GRID2: variants seen among roughly 807,000 people sequenced by gnomAD.
GRID2 encodes the protein glutamate ionotropic receptor delta type subunit 2.
Under a neutral mutation model 114.8 loss-of-function variants are expected in GRID2, and 33 were observed. That is an observed-to-expected ratio of 0.29 (90% CI 0.22 to 0.38). The LOEUF (loss-of-function observed/expected upper bound fraction) is 0.38, where lower values mean the gene tolerates loss of function less well. Ranked by LOEUF, GRID2 falls within the 10% of genes least tolerant of loss-of-function variation. The probability of loss-of-function intolerance (pLI) is 1.00; values close to 1 mark genes in which losing one functional copy is unlikely to be tolerated. For missense variants in GRID2, 1,184 were observed against 1,257.7 expected (o/e 0.94, Z 0.89); for synonymous variants, 505 against 449.9 (o/e 1.12, Z -1.55).
intron 5 of GRID2, among the ~76,000 whole-genome samples, chr4:93,213,731 C>T (rs530246460): frequency 6.6e-6 from 1 of 152,230 alleles, no homozygotes; most frequent in South Asian, 2.1e-4. Context: ...ATTCAATTCT[C>T]CTAAGAGATT....
intron 2 of GRID2, among the ~76,000 whole-genome samples, chr4:92,966,249 G>T (rs1254171005): frequency 6.6e-6 from 1 of 151,912 alleles, no homozygotes; most frequent in Non-Finnish European, 1.5e-5. Context: ...TAAGAAAAAT[G>T]CAGGATGTTA....
chr4:93,298,046 A>G (rs1030993638), intron 8 of GRID2, among the ~76,000 whole-genome samples: 7 of 152,192 alleles, frequency 4.6e-5, no homozygotes, highest in Admixed American at 2.0e-4. Flanking sequence ...GGTTTACCAC[A>G]TGGATACTTT....
chr4:93,803,942 C>G lies in GRID2; in HGVS notation c.222-2773C>G, dbSNP rs189009163. 1.9e-4 allele frequency among the ~76,000 whole-genome samples: 29 copies of G among 152,212 alleles called. No homozygotes were observed. The South Asian group carries it at 5.8e-3, about 31-fold the overall frequency. On this transcript the variant is annotated intron_variant, in intron 1 of 1. Transcript: ENST00000637838. ...CCATCATCACACTGCATCCAATTGC[C>G]AGGTGTGTGGCGCTTCCTGGCTGCA...
At chr4:92,380,383 G>A (rs1324409657) in intron 1 of GRID2, among the ~76,000 whole-genome samples, 1 of 151,756 alleles carries the variant, frequency 6.6e-6, no homozygotes, top group Non-Finnish European at 1.5e-5. Flanking sequence ...ATTTAGCTTT[G>A]TTGATCCTCA....
At chr4:93,730,103 A>G (rs548629713) in intron 14 of GRID2, among the ~76,000 whole-genome samples, 1 of 152,346 alleles carries the variant, frequency 6.6e-6, no homozygotes, top group East Asian at 1.9e-4. Flanking sequence ...AGATATATTT[A>G]GTAGACCACT....
intron 13 of GRID2, among the ~76,000 whole-genome samples, chr4:93,569,442 C>T (rs1026229579): frequency 2.0e-5 from 3 of 152,154 alleles, no homozygotes; most frequent in Non-Finnish European, 4.4e-5. Flanking sequence ...TCACCAAATC[C>T]AGTGCTACAC....
At chr4:92,831,803 T>C (rs1742121478) in intron 2 of GRID2, among the ~76,000 whole-genome samples, 1 of 151,972 alleles carries the variant, frequency 6.6e-6, no homozygotes, top group Admixed American at 6.6e-5. Flanking sequence ...GAGGCTGCAG[T>C]GAGCTGAGAT....
intron 8 of GRID2, among the ~76,000 whole-genome samples, chr4:93,392,157 T>C (rs893230778): frequency 1.3e-5 from 2 of 152,156 alleles, no homozygotes; most frequent in Admixed American, 1.3e-4. Flanking sequence ...TCTTTATTGT[T>C]TTTTATTTAG....
chr4:93,636,016 T>TAG (rs1389980635), intron 14 of GRID2, among the ~76,000 whole-genome samples: 2 of 152,208 alleles, frequency 1.3e-5, no homozygotes, highest in Admixed American at 6.5e-5. Flanking sequence ...TTTTAAGTGA[T>TAG]ACAAATTTCC....
At chr4:92,897,047 C>T (rs536320335) in intron 2 of GRID2, among the ~76,000 whole-genome samples, 3 of 152,112 alleles carry the variant, frequency 2.0e-5, no homozygotes, top group African/African-American at 7.2e-5. Context: ...CAGCCCAAAC[C>T]CAGGTTTTAA....
intron 2 of GRID2, among the ~76,000 whole-genome samples, chr4:92,871,047 C>T (rs1472011219): frequency 6.6e-6 from 1 of 152,118 alleles, no homozygotes; most frequent in Non-Finnish European, 1.5e-5. Context: ...TCTCCCCCTA[C>T]ACCCCATTTC....
At chr4:92,494,373 AT>A (rs1245178155) in intron 1 of GRID2, among the ~76,000 whole-genome samples, 12 of 152,132 alleles carry the variant, frequency 7.9e-5, no homozygotes, top group African/African-American at 2.6e-4. Context: ...AAAGGAGGGA[AT>A]TTTATTCCTA....
At chr4:93,473,058 A>G (rs1376737232) in intron 11 of GRID2, among the ~76,000 whole-genome samples, 1 of 152,204 alleles carries the variant, frequency 6.6e-6, no homozygotes, top group Non-Finnish European at 1.5e-5. Context: ...TATTAAAATT[A>G]AATTACTAGT....
chr4:93,613,343 T>C (rs10433959), intron 13 of GRID2, among the ~76,000 whole-genome samples: 6 of 139,950 alleles, frequency 4.3e-5, no homozygotes, highest in South Asian at 2.4e-4. Flanking sequence ...AGCTTTGTTC[T>C]GTTGCTGGTG....
chr4:92,949,974 G>C (rs969568271), intron 2 of GRID2, among the ~76,000 whole-genome samples: 1 of 152,102 alleles, frequency 6.6e-6, no homozygotes, highest in African/African-American at 2.4e-5. Flanking sequence ...TTCTCACAGA[G>C]GGAATGACAG....
At chr4:92,447,683 G>A (rs1733543243) in intron 1 of GRID2, among the ~76,000 whole-genome samples, 1 of 152,184 alleles carries the variant, frequency 6.6e-6, no homozygotes, top group Non-Finnish European at 1.5e-5. Context: ...CACAGTGCTT[G>A]CAGATTCCAA....
intron 4 of GRID2, among the ~76,000 whole-genome samples, chr4:93,194,428 A>T (rs1741283017): frequency 6.6e-6 from 1 of 152,158 alleles, no homozygotes; most frequent in Non-Finnish European, 1.5e-5. Context: ...GCTTGAAAAT[A>T]TAGTATTTTT....
chr4:93,245,799 T>G (rs1469027157), intron 8 of GRID2, among the ~76,000 whole-genome samples: 3 of 152,180 alleles, frequency 2.0e-5, no homozygotes, highest in Non-Finnish European at 4.4e-5. Context: ...CTCTCAGGAT[T>G]TTTGTAAGGA....
At chr4:92,877,557 T>C (rs569948141) in intron 2 of GRID2, among the ~76,000 whole-genome samples, 66 of 152,278 alleles carry the variant, frequency 4.3e-4, no homozygotes, top group African/African-American at 1.6e-3. Context: ...ATGTACAAGA[T>C]AAAGAGAATT....
Sources: allele counts gnomAD v4.1 joint callset (sites outside exome capture counted in the v4.1 genomes callset), GRCh38; gene constraint gnomAD v4.1.1; transcripts MANE v1.5; gene names NCBI Gene and HGNC (gene_info 2026-07-23, HGNC 2026-07-21).